FOXO3B: variants seen among roughly 807,000 people sequenced by gnomAD.
The protein encoded by FOXO3B is forkhead box protein O3B.
A neutral mutation model predicts 21.9 loss-of-function variants in FOXO3B; 15 were observed. That is an observed-to-expected ratio of 0.68 (90% confidence interval 0.46 to 1.05). The LOEUF is 1.05. Ranked by LOEUF, FOXO3B falls within the 50% of genes least tolerant of loss-of-function variation. FOXO3B has a pLI of 0.00. For missense variants in FOXO3B, 293 were observed against 435.5 expected, an observed-to-expected ratio of 0.67 and a Z score of 2.91; for synonymous variants, 135 against 213.6, an observed-to-expected ratio of 0.63 and a Z score of 3.21.
intron 3 of FOXO3B, among the ~76,000 whole-genome samples, chr17:18,675,265 GA>G (rs1010512095): frequency 2.7e-5 from 4 of 149,378 alleles, no homozygotes; most frequent in African/African-American, 4.9e-5. Flanking sequence ...TGAAAAGGCA[GA>G]AAAAAAAAGA....
rs1481998636 is a variant in FOXO3B at position 18,672,718 on chromosome 17, C to T, written c.464G>A (p.Gly155Glu). 1.3e-5 allele frequency: 20 copies of T among 1,528,752 alleles called. 1 individual carries two copies. The East Asian group carries it at 4.7e-4, about 36-fold the overall frequency. The allele number at this position is 1,528,752 out of a possible 1,614,324, so 94.7% of individuals were successfully genotyped here. ...CGCCATGGCCGAGCCGGCCCGTCCC[C>T]CGCCGTCCTCGTCGTCTTCATCGTC... ...EEDDEDDEDG[G>E]GRAGSAMAIG... is the part of the protein sequence containing the mutation. Residue 155 changes from glycine to glutamate, a missense_variant, in exon 4 of 4, where the codon GGG becomes GAG. Around this residue, in one of 2 missense-constraint regions of FOXO3B, gnomAD observed 251 missense variants for 404.0 expected, o/e 0.62. Transcript: ENST00000395675. The surrounding 1 kb of genome is among the most constrained non-coding windows in gnomAD (Gnocchi z 4.2).
chr17:18,673,545 G>A lies in FOXO3B; in HGVS notation c.127-490C>T, dbSNP rs551872507. 6.6e-5 allele frequency among the ~76,000 whole-genome samples: 10 copies of A among 152,214 alleles called. No homozygotes were observed. The East Asian group carries it at 1.9e-3, about 29-fold the overall frequency. ...TTTAACAATTTTTATAGTTACAGTA[G>A]GTCCTCTGATGCCAAAGCATTCAGA... On this transcript the variant is annotated intron_variant, in intron 3 of 3. Transcript: ENST00000395675.
chr17:18,670,844 T>C lies in FOXO3B; in HGVS notation c.*1465A>G. The C allele has an allele frequency of 6.5e-7, 1 of 1,549,432 alleles. No individual in the cohort carries two copies. The highest frequency in any genetic ancestry group is 8.8e-7 in the Non-Finnish European group (1 of 1,138,036). ...AGCAGATTTGGCAAAGGGTTTTCTCTGTAGGTCTTGTGTCAGTTTGAGGGT... is the reference window on the plus strand; with the variant it reads ...AGCAGATTTGGCAAAGGGTTTTCTCCGTAGGTCTTGTGTCAGTTTGAGGGT... On this transcript the variant is annotated 3_prime_UTR_variant, in exon 4 of 4. Coordinates refer to ENST00000395675, the MANE Select transcript of FOXO3B (RefSeq NM_001368135.1).
chr17:18,672,247 C>T lies in FOXO3B; in HGVS notation c.*62G>A. On this transcript the variant is annotated 3_prime_UTR_variant, in exon 4 of 4. Transcript: ENST00000395675. The surrounding 1 kb of genome is among the most constrained non-coding windows in gnomAD (Gnocchi z 4.2). ...GATCCACCAAGAGCTCTTGCCAGTT[C>T]CCTCATTCTGGACCCGCATGAATCG... is the stretch of plus-strand genomic sequence containing the variant. The T allele has an allele frequency of 6.2e-7, 1 of 1,612,686 alleles. No individual in the cohort carries two copies. The highest frequency in any genetic ancestry group is 8.5e-7 in the Non-Finnish European group (1 of 1,178,982).
At chr17:18,676,782 C>A (rs2032492918) in intron 3 of FOXO3B, among the ~76,000 whole-genome samples, 1 of 151,852 alleles carries the variant, frequency 6.6e-6, no homozygotes, top group Non-Finnish European at 1.5e-5. Context: ...CTCACTGCAA[C>A]CTCTGCCTCC....
chr17:18,674,629 A>T (rs2032448892), intron 3 of FOXO3B, among the ~76,000 whole-genome samples: 1 of 141,352 alleles, frequency 7.1e-6, no homozygotes, highest in African/African-American at 2.8e-5. Context: ...CCATCTCAAA[A>T]AAAAAAAAAA....
In FOXO3B at chr17:18,672,562, C is replaced by T. The variant is rs1000436850; in HGVS notation, c.620G>A (p.Gly207Asp). The T allele has an allele frequency of 3.5e-6, 5 of 1,443,516 alleles. No homozygotes were observed. Among genetic ancestry groups the T allele is most frequent in the Non-Finnish European group, 2.7e-6 (3 of 1,105,168 alleles). 89.4% of individuals were successfully genotyped at this position (1,443,516 alleles called of 1,614,324 possible). The stretch of plus-strand genomic sequence containing the variant: ...CTGAGGCTGCAGCAGCGCCTGTGTA[C>T]CCCCGCTCAGCCCGCCCGCCGCGGT... ...PATAAGGLSG[G>D]TQALLQPQQP... The change falls in exon 4 of 4, where the codon GGT becomes GAT. Residue 207 changes from glycine (G) to aspartate (D), a missense_variant. Gly to Asp is a moderately conservative substitution (Grantham distance 94). This residue lies in a region of FOXO3B where 251 missense variants were observed against 404.0 expected (regional missense o/e 0.62). Transcript: ENST00000395675. The surrounding 1 kb of genome is among the most constrained non-coding windows in gnomAD (Gnocchi z 4.2).
rs2151734157 is a variant in FOXO3B at position 18,670,796 on chromosome 17, G to T, written c.*1513C>A. 2 of 1,130,620 alleles carry T rather than the reference G, an allele frequency of 1.8e-6. No individual in the cohort carries two copies. Among genetic ancestry groups the T allele is most frequent in the Admixed American group, 2.2e-5 (1 of 44,912 alleles). The allele number at this position is 1,130,620 out of a possible 1,614,324, so 70.0% of individuals were successfully genotyped here. On this transcript the variant is annotated 3_prime_UTR_variant, in exon 4 of 4. Transcript: ENST00000395675. Reference sequence around the variant, plus strand: ...TTCACAAAGGTGTTAAGCTGTAAACGGTATCACTGTCCACTTGCTGAGAGC... The same window carrying T: ...TTCACAAAGGTGTTAAGCTGTAAACTGTATCACTGTCCACTTGCTGAGAGC...
intron 3 of FOXO3B, among the ~76,000 whole-genome samples, chr17:18,677,911 C>CAA (rs57669387): frequency 2.5e-3 from 228 of 92,362 alleles, no homozygotes; most frequent in African/African-American, 3.2e-3. Context: ...GTTGGAAAAG[C>CAA]AAAAAAAAAA....
Position 18,671,901 on chromosome 17 carries a change from A to G in FOXO3B, c.*408T>C, listed in dbSNP as rs2032373087. On this transcript the variant is annotated 3_prime_UTR_variant, in exon 4 of 4. Transcript: ENST00000395675. ...AGCTGCTGTAGAGCATGGGCGAGAGAGGCGCATCGTCGTCCTGGACTTCAT... is the reference window on the plus strand; with the variant it reads ...AGCTGCTGTAGAGCATGGGCGAGAGGGGCGCATCGTCGTCCTGGACTTCAT... 6.2e-7 allele frequency: 1 copy of G among 1,613,426 alleles called. No individual in the cohort carries two copies. Among genetic ancestry groups the G allele is most frequent in the South Asian group, 1.1e-5 (1 of 91,056 alleles).
chr17:18,671,056 T>C lies in FOXO3B; in HGVS notation c.*1253A>G. ...AGTTCACTACGGATAATGGACTCCA[T>C]GTCACATTCCAAGCTCCCATTGAAC... is the stretch of plus-strand genomic sequence containing the variant. On this transcript the variant is annotated 3_prime_UTR_variant, in exon 4 of 4. Transcript: ENST00000395675. 6 of 1,030,718 alleles carry C rather than the reference T, an allele frequency of 5.8e-6. No individual in the cohort carries two copies. The highest frequency in any genetic ancestry group is 2.4e-5 in the East Asian group (1 of 41,934). The allele number at this position is 1,030,718 out of a possible 1,614,324, so 63.8% of individuals were successfully genotyped here. A position where few individuals can be genotyped will look rare whatever the true frequency, so the allele number is the denominator to read the frequency against.
rs1326105143 is a variant in FOXO3B, at chr17:18,670,367, G to T, written c.*1942C>A. Among the ~76,000 whole-genome samples the T allele has an allele frequency of 6.6e-6, 1 of 152,250 alleles. No individual in the cohort carries two copies. Among genetic ancestry groups the T allele is most frequent in the African/African-American group, 2.4e-5 (1 of 41,462 alleles). ...TTTATGGAGTTCCATGCGCTCAAAA[G>T]CTTGTGATGCTCAAACCTGGAATGG... On this transcript the variant is annotated 3_prime_UTR_variant, in exon 4 of 4. Transcript: ENST00000395675.
chr17:18,672,999 A>T lies in FOXO3B; in HGVS notation c.183T>A (p.Pro61=), dbSNP rs1267116822. 6.8e-7 allele frequency: 1 copy of T among 1,470,298 alleles called. No homozygotes were observed. Among genetic ancestry groups the T allele is most frequent in the African/African-American group, 1.5e-5 (1 of 66,666 alleles). The allele number at this position is 1,470,298 out of a possible 1,614,324, so 91.1% of individuals were successfully genotyped here. ...GCGCCGGGGCGGGGTGCAGCGGGGG[A>T]GGGACGTGGACGCCGCGAAGGCTCC... is the stretch of plus-strand genomic sequence containing the variant. ...GSRSLRGVHV[P]PPLHPAPARE... is the part of the protein sequence containing the mutation. Residue 61 remains proline (P), a synonymous_variant, in exon 4 of 4, where the codon CCT becomes CCA. Transcript: ENST00000395675. The surrounding 1 kb of genome is among the most constrained non-coding windows in gnomAD (Gnocchi z 4.2).
chr17:18,675,631 C>T (rs2032469036), intron 3 of FOXO3B, among the ~76,000 whole-genome samples: 1 of 152,050 alleles, frequency 6.6e-6, no homozygotes, highest in Non-Finnish European at 1.5e-5. Context: ...TGGTATTAGA[C>T]ATAGACAGAC....
chr17:18,676,879 T>A (rs1251388551), intron 3 of FOXO3B, among the ~76,000 whole-genome samples: 1 of 152,210 alleles, frequency 6.6e-6, no homozygotes, highest in Non-Finnish European at 1.5e-5. Flanking sequence ...TTTTTTGTAT[T>A]TGTAGTAGAG....
At chr17:18,679,300 A>T (rs1490697984) in intron 3 of FOXO3B, among the ~76,000 whole-genome samples, 1 of 152,264 alleles carries the variant, frequency 6.6e-6, no homozygotes, top group South Asian at 2.1e-4. Context: ...ACAGGCAAGT[A>T]CATAAAGGAA....
At position 18,671,692 on chromosome 17, in the gene FOXO3B, A is replaced by G; in HGVS notation, c.*617T>C. ...CCCTTGGTGGTATACGGGAAGCTAGAACTCCGCTGCATGAGTCCCCCAGTG... is the reference window on the plus strand; with the variant it reads ...CCCTTGGTGGTATACGGGAAGCTAGGACTCCGCTGCATGAGTCCCCCAGTG... On this transcript the variant is annotated 3_prime_UTR_variant, in exon 4 of 4. Transcript: ENST00000395675. 6.2e-7 allele frequency: 1 copy of G among 1,613,588 alleles called. No individual in the cohort carries two copies. The highest frequency in any genetic ancestry group is 1.1e-5 in the South Asian group (1 of 91,076).
At chr17:18,678,266 T>A (rs368735057) in intron 3 of FOXO3B, among the ~76,000 whole-genome samples, 9,608 of 152,246 alleles carry the variant, frequency 0.063, 424 homozygotes, top group South Asian at 0.12. Context: ...AAGGTTTTTT[T>A]AAAAAGCCAC....
intron 3 of FOXO3B, among the ~76,000 whole-genome samples, chr17:18,678,015 A>G (rs1354031177): frequency 6.6e-6 from 1 of 152,144 alleles, no homozygotes; most frequent in Non-Finnish European, 1.5e-5. Flanking sequence ...CATTATGAGG[A>G]AAAATGACCT....
Sources: allele counts gnomAD v4.1 joint callset (sites outside exome capture counted in the v4.1 genomes callset), GRCh38; gene constraint gnomAD v4.1.1; regional missense constraint gnomAD v4.1.1; non-coding constraint Gnocchi (gnomAD v3.1); transcripts MANE v1.5; gene names NCBI Gene and HGNC (gene_info 2026-07-23, HGNC 2026-07-21).